ROR1: variants seen among roughly 807,000 people sequenced by gnomAD.
ROR1 encodes inactive tyrosine-protein kinase transmembrane receptor ROR1.
A neutral mutation model predicts 78.8 loss-of-function variants in ROR1; 19 were observed. The observed-to-expected ratio is 0.24, with a 90% confidence interval of 0.17 to 0.35. The LOEUF (loss-of-function observed/expected upper bound fraction) is 0.35, where lower values mean the gene tolerates loss of function less well. Ranked by LOEUF, ROR1 falls within the 10% of genes least tolerant of loss-of-function variation. The pLI is 1.00. For synonymous variants in ROR1, 386 were observed against 433.6 expected, an observed-to-expected ratio of 0.89 and a Z score of 1.36; for missense variants, 917 against 1,177.8, an observed-to-expected ratio of 0.78 and a Z score of 3.24.
intron 1 of ROR1, among the ~76,000 whole-genome samples, chr1:63,984,327 GGT>G: frequency 6.6e-6 from 1 of 152,114 alleles, no homozygotes; most frequent in Non-Finnish European, 1.5e-5. Flanking sequence ...ACAGAGCACT[GGT>G]GCCTGTATAC....
chr1:63,993,904 G>A (rs1282357533), intron 1 of ROR1, among the ~76,000 whole-genome samples: 1 of 152,160 alleles, frequency 6.6e-6, no homozygotes, highest in Non-Finnish European at 1.5e-5. Context: ...TGGAATTGAT[G>A]TACACACAGT....
At chr1:64,112,138 A>G (rs1648124412) in intron 4 of ROR1, 1 of 152,174 alleles carries the variant, frequency 6.6e-6, no homozygotes, top group African/African-American at 2.4e-5. Flanking sequence ...TTCAGAGGAC[A>G]TGAGCTTTTG....
chr1:64,177,093 G>T (rs1650402756), intron 8 of ROR1, among the ~76,000 whole-genome samples: 1 of 152,218 alleles, frequency 6.6e-6, no homozygotes, highest in Non-Finnish European at 1.5e-5. Context: ...GATTCAGTAG[G>T]TCTGAGGTGG....
At chr1:63,837,628 T>G (rs1645025214) in intron 1 of ROR1, among the ~76,000 whole-genome samples, 1 of 152,152 alleles carries the variant, frequency 6.6e-6, no homozygotes, top group Non-Finnish European at 1.5e-5. Flanking sequence ...CCAGACCAGC[T>G]TGGCCAACAT....
chr1:63,828,173 C>A (rs1644966643), intron 1 of ROR1, among the ~76,000 whole-genome samples: 1 of 152,106 alleles, frequency 6.6e-6, no homozygotes, highest in Non-Finnish European at 1.5e-5. Flanking sequence ...AAACCCAAAT[C>A]CAGGTTTGGT....
chr1:63,924,434 C>T (rs2100434080), intron 1 of ROR1, among the ~76,000 whole-genome samples: 1 of 152,152 alleles, frequency 6.6e-6, no homozygotes. Flanking sequence ...CTTTCAATGT[C>T]TATATTCAAG....
intron 1 of ROR1, among the ~76,000 whole-genome samples, chr1:63,863,843 A>G (rs1256706226): frequency 6.6e-6 from 1 of 151,934 alleles, no homozygotes; most frequent in Non-Finnish European, 1.5e-5. Flanking sequence ...CAAATGGTCA[A>G]CTTTGCAAAA....
chr1:63,912,280 A>G (rs1219089108), intron 1 of ROR1, among the ~76,000 whole-genome samples: 2 of 147,700 alleles, frequency 1.4e-5, no homozygotes, highest in African/African-American at 2.5e-5. Flanking sequence ...CCTGTTCAAC[A>G]GAGTGAGACC....
chr1:63,837,080 C>T (rs72683045), intron 1 of ROR1, among the ~76,000 whole-genome samples: 4,694 of 152,214 alleles, frequency 0.031, 98 homozygotes, highest in East Asian at 0.073. Context: ...GGTAGTCAAG[C>T]GTCTGTACTT....
At position 64,050,731 on chromosome 1, in the gene ROR1, C is replaced by A; in HGVS notation, c.482+15C>A. 2 of 1,612,648 alleles carry A rather than the reference C, an allele frequency of 1.2e-6. No homozygotes were observed. The highest frequency in any genetic ancestry group is 1.7e-5 in the Admixed American group (1 of 60,020). ...CCAGGATACTCGTAAGTACTTTTAT[C>A]TCCTTTCTTGTCATTTCTAAGTGTT... On this transcript the variant is annotated intron_variant, in intron 4 of 8. Transcript: ENST00000371079.
At chr1:63,999,343 A>G (rs1646365042) in intron 1 of ROR1, among the ~76,000 whole-genome samples, 1 of 152,182 alleles carries the variant, frequency 6.6e-6, no homozygotes, top group South Asian at 2.1e-4. Flanking sequence ...CTCACTGTTT[A>G]GTTGTGGTGG....
intron 1 of ROR1, among the ~76,000 whole-genome samples, chr1:63,997,685 A>G (rs1169776138): frequency 2.0e-5 from 3 of 151,664 alleles, no homozygotes; most frequent in African/African-American, 7.3e-5. Context: ...TTATGTTAAG[A>G]CTCACCTAGG....
chr1:64,098,433 C>T (rs1184049453), intron 4 of ROR1, among the ~76,000 whole-genome samples: 1 of 152,152 alleles, frequency 6.6e-6, no homozygotes, highest in African/African-American at 2.4e-5. Context: ...CTTGGAGGTT[C>T]CGCGGTCTCT....
rs954214206 is a variant in ROR1, at chr1:64,180,767, C to G, written c.*1912C>G. On this transcript the variant is annotated 3_prime_UTR_variant, in exon 9 of 9. Transcript: ENST00000371079. ...CCAAGAATATTTATTATTTTAAGTA[C>G]ACAATTTCAGTGAATCTTGAGTTTT... 2 of 152,054 alleles carry G rather than the reference C, an allele frequency of 1.3e-5. No homozygotes were observed. Among genetic ancestry groups the G allele is most frequent in the Non-Finnish European group, 2.9e-5 (2 of 67,942 alleles). 9.4% of individuals were successfully genotyped at this position (152,054 alleles called of 1,614,324 possible).
chr1:64,106,965 A>T (rs1264660990), intron 4 of ROR1: 1 of 152,526 alleles, frequency 6.6e-6, no homozygotes, highest in African/African-American at 2.4e-5. Context: ...CTCTGTCCAG[A>T]GTCCCCACCC....
Position 63,816,615 on chromosome 1 carries a change from A to G in ROR1, c.91+42107A>G, listed in dbSNP as rs1482163157. Reference sequence around the variant, plus strand: ...GAAAATGGACTAATAGAGTGATTTAATGAGTTTCACCAGCATGGGTTTCTT... The same window carrying G: ...GAAAATGGACTAATAGAGTGATTTAGTGAGTTTCACCAGCATGGGTTTCTT... On this transcript the variant is annotated intron_variant, in intron 1 of 8. Transcript: ENST00000371079. Among the ~76,000 whole-genome samples the G allele has an allele frequency of 2.6e-5, 4 of 152,114 alleles. No individual in the cohort carries two copies. In the East Asian group the frequency reaches 7.7e-4, roughly 29 times the overall value.
At chr1:63,840,690 A>G (rs1170895191) in intron 1 of ROR1, among the ~76,000 whole-genome samples, 1 of 152,148 alleles carries the variant, frequency 6.6e-6, no homozygotes, top group African/African-American at 2.4e-5. Flanking sequence ...TTTGTCTTCA[A>G]CATATAAGTC....
chr1:64,109,997 T>C (rs1356812638), intron 4 of ROR1, among the ~76,000 whole-genome samples: 1 of 152,180 alleles, frequency 6.6e-6, no homozygotes, highest in Non-Finnish European at 1.5e-5. Context: ...AAGCCTTTGC[T>C]ATATCCCTCC....
At chr1:64,152,314 T>C (rs1358616343) in intron 7 of ROR1, among the ~76,000 whole-genome samples, 2 of 152,222 alleles carry the variant, frequency 1.3e-5, no homozygotes, top group Non-Finnish European at 2.9e-5. Flanking sequence ...TCTTCTCCTC[T>C]AGGTGTTTCC....
Sources: gnomAD v4.1 joint callset for allele counts (sites outside exome capture counted in the v4.1 genomes callset) on GRCh38, gnomAD v4.1.1 for gene constraint, MANE v1.5 for transcripts, NCBI Gene and HGNC (gene_info 2026-07-23, HGNC 2026-07-21) for gene names.